Variants in HSF1 observed in about 807,000 individuals in gnomAD.
HSF1 encodes the protein heat shock transcription factor 1.
In HSF1, 32 loss-of-function variants were observed where a neutral mutation model predicts 51.7. That is an observed-to-expected ratio of 0.62 (90% confidence interval 0.47 to 0.83). The LOEUF is 0.83. Ranked by LOEUF, HSF1 falls within the 40% of genes least tolerant of loss-of-function variation. The pLI, the probability that HSF1 is intolerant of heterozygous loss-of-function variation, is 0.00. For missense variants in HSF1, 727 were observed against 717.0 expected (o/e 1.01, Z -0.16); for synonymous variants, 396 against 309.7 (o/e 1.28, Z -2.92).
chr8:144,305,825 C>T (rs1233248721), intron 1 of HSF1, among the ~76,000 whole-genome samples: 11 of 148,660 alleles, frequency 7.4e-5, no homozygotes, highest in African/African-American at 2.2e-4. Context: ...CTCTGCCTCC[C>T]GGGTTCAAAC....
chr8:144,298,021 C>T (rs782428717), intron 1 of HSF1, among the ~76,000 whole-genome samples: 7 of 152,228 alleles, frequency 4.6e-5, no homozygotes, highest in Non-Finnish European at 7.3e-5. Flanking sequence ...CTACACTTCT[C>T]AGCGTGTGGC....
At chr8:144,310,115 G>A in intron 4 of HSF1, 2 of 576,116 alleles carry the variant, frequency 3.5e-6, no homozygotes, top group Non-Finnish European at 6.1e-6. Flanking sequence ...GGGGTTGGGA[G>A]GGTCCCCTGC....
chr8:144,311,499 C>T lies in HSF1; in HGVS notation c.627-6C>T, dbSNP rs782398582. On this transcript the variant is annotated splice_polypyrimidine_tract_variant and splice_region_variant and intron_variant, in intron 6 of 12. Coordinates refer to ENST00000528838, the MANE Select transcript of HSF1 (RefSeq NM_005526.4). Reference sequence around the variant, plus strand: ...GGTGGTGGCTGACCTGCACCCTTCCCCACAGCCCCCTGATGCTGAACGACA... The same window carrying T: ...GGTGGTGGCTGACCTGCACCCTTCCTCACAGCCCCCTGATGCTGAACGACA... The T allele has an allele frequency of 5.0e-6, 8 of 1,613,610 alleles. 2 individuals are homozygous for T. The South Asian group carries it at 6.6e-5, about 13-fold the overall frequency.
rs1467135363 is a variant in HSF1 at position 144,309,536 on chromosome 8, G to C, written c.308G>C (p.Cys103Ser). 4.3e-6 allele frequency: 7 copies of C among 1,613,960 alleles called. No homozygotes were observed. The Admixed American group carries it at 1.2e-4, about 27-fold the overall frequency. Residue 103 changes from cysteine to serine, a missense_variant, in exon 3 of 13, where the codon TGC becomes TCC. Transcript: ENST00000528838. ...GACGACACGGAGTTCCAGCACCCAT[G>C]CTTCCTGCGTGGCCAGGAGCAGCTC... The part of the protein sequence containing the change: ...ERDDTEFQHP[C>S]FLRGQEQLLE...
chr8:144,312,659 G>T, intron 9 of HSF1: 1 of 1,535,386 alleles, frequency 6.5e-7, no homozygotes, highest in Non-Finnish European at 8.7e-7. Flanking sequence ...GTCTAGGGTC[G>T]CCCGCCTCTT....
chr8:144,313,631 GC>G lies in HSF1; in HGVS notation c.1248+17del, dbSNP rs1554845570. The G allele has an allele frequency of 1.7e-6, 1 of 601,858 alleles. No homozygotes were observed. The allele number at this position is 601,858 out of a possible 1,614,324, so 37.3% of individuals were successfully genotyped here. Reference sequence around the variant, plus strand: ...CCCTGCTGGACGTGAGTGGAGCCCCGCCGCCCCGCCTCCCCGCCCCGCCTCC... The same window carrying G: ...CCCTGCTGGACGTGAGTGGAGCCCCGCGCCCCGCCTCCCCGCCCCGCCTCC... On this transcript the variant is annotated intron_variant, in intron 10 of 12. Transcript: ENST00000528838.
chr8:144,304,026 G>A (rs1230429213), intron 1 of HSF1, among the ~76,000 whole-genome samples: 1 of 152,218 alleles, frequency 6.6e-6, no homozygotes, highest in Admixed American at 6.5e-5. Context: ...GGGAGCCCCT[G>A]GCTTCTTGGC....
At chr8:144,312,772 C>A in intron 9 of HSF1, 2 of 1,421,490 alleles carry the variant, frequency 1.4e-6, no homozygotes, top group Non-Finnish European at 9.6e-7. Context: ...CCCTCCCACA[C>A]AGCCGTGGAC....
At position 144,311,668 on chromosome 8, in the gene HSF1, GCA is replaced by G. The variant is rs781935853; in HGVS notation, c.724-30_724-29del. The G allele has an allele frequency of 1.9e-6, 3 of 1,610,630 alleles. No homozygotes were observed. The South Asian group carries it at 3.3e-5, about 18-fold the overall frequency. The stretch of plus-strand genomic sequence containing the variant: ...GCAGTGGGGTGGGTTGCCCCTGCCG[GCA>G]CTGCATGGACCTCCTGCCTTTGATT... On this transcript the variant is annotated intron_variant, in intron 7 of 12. Transcript: ENST00000528838.
rs1449737222 is a variant in HSF1, at chr8:144,291,888, GC to G, written c.117+15del. 6.9e-7 allele frequency: 1 copy of G among 1,457,514 alleles called. No homozygotes were observed. The highest frequency in any genetic ancestry group is 9.1e-7 in the Non-Finnish European group (1 of 1,096,778). The allele number at this position is 1,457,514 out of a possible 1,614,324, so 90.3% of individuals were successfully genotyped here. On this transcript the variant is annotated intron_variant, in intron 1 of 12. Transcript: ENST00000528838. The surrounding 1 kb of genome is among the most constrained non-coding windows in gnomAD (Gnocchi z 4.1). Reference sequence around the variant, plus strand: ...TGCTGGAGCCCGGTGAGGGCAGCGCGCGGGCGCGGGGCCCGTGGGGACCGGG... The same window carrying G: ...TGCTGGAGCCCGGTGAGGGCAGCGCGGGGCGCGGGGCCCGTGGGGACCGGG...
At chr8:144,295,249 A>G (rs1288592730) in intron 1 of HSF1, among the ~76,000 whole-genome samples, 7 of 152,236 alleles carry the variant, frequency 4.6e-5, no homozygotes, top group East Asian at 1.9e-4. Context: ...GAACCAAACA[A>G]AAGCAGAAAG....
In HSF1 at chr8:144,312,069, A is replaced by C; in HGVS notation, c.967A>C (p.Thr323Pro). ...TCCCGGGCGCCCATCTTCCGTGGAC[A>C]CCCTCTTGTCCCCGACCGCCCTCAT... ...ASPGRPSSVD[T>P]LLSPTALIDS... Residue 323 changes from threonine to proline, a missense_variant, in exon 9 of 13, where the codon ACC becomes CCC. Transcript: ENST00000528838. 6 of 1,611,594 alleles carry C rather than the reference A, an allele frequency of 3.7e-6. No individual in the cohort carries two copies. Among genetic ancestry groups the C allele is most frequent in the East Asian group, 2.2e-5 (1 of 44,820 alleles).
At position 144,314,701 on chromosome 8, in the gene HSF1, TA is replaced by T. The variant is rs1817116060; in HGVS notation, c.*374del. On this transcript the variant is annotated 3_prime_UTR_variant, in exon 13 of 13. Coordinates refer to ENST00000528838, the MANE Select transcript of HSF1 (RefSeq NM_005526.4). ...GACGGACAAGACAGGCAGAGATCTATAAACAGACAGGCTCTATGCTATGGCC... is the reference window on the plus strand; with the variant it reads ...GACGGACAAGACAGGCAGAGATCTATAACAGACAGGCTCTATGCTATGGCC... 1 of 263,444 alleles carries T rather than the reference TA, an allele frequency of 3.8e-6. No individual in the cohort carries two copies. The highest frequency in any genetic ancestry group is 2.2e-5 in the African/African-American group (1 of 46,394). 16.3% of individuals were successfully genotyped at this position (263,444 alleles called of 1,614,324 possible).
intron 1 of HSF1, among the ~76,000 whole-genome samples, chr8:144,296,806 CAAAA>C (rs72033767): frequency 1.5e-5 from 2 of 135,126 alleles, no homozygotes; most frequent in African/African-American, 2.7e-5. Flanking sequence ...GACTCCATCT[CAAAA>C]AAAAAAAAAA....
At chr8:144,308,821 C>T in intron 1 of HSF1, 85 bp from the exon 2 acceptor site, 2 of 1,111,530 alleles carry the variant, frequency 1.8e-6, no homozygotes, top group South Asian at 2.5e-5. Flanking sequence ...GCCTGCGTTT[C>T]AGAAGGGGCG....
intron 9 of HSF1, chr8:144,312,663 G>C: frequency 6.5e-7 from 1 of 1,535,486 alleles, no homozygotes. Context: ...AGGGTCGCCC[G>C]CCTCTTCCCC....
chr8:144,300,212 CTTTTTTTTTTT>C (rs1176636210), intron 1 of HSF1, among the ~76,000 whole-genome samples: 1 of 87,744 alleles, frequency 1.1e-5, no homozygotes, highest in Non-Finnish European at 2.1e-5. Context: ...GTTGTGTACT[CTTTTTTTTTTT>C]TTTTTTTTTT....
chr8:144,311,876 A>G (rs1412593728), intron 8 of HSF1, 40 bp downstream of exon 8: 1 of 1,585,814 alleles, frequency 6.3e-7, no homozygotes, highest in Non-Finnish European at 8.6e-7. Flanking sequence ...TCCCCCAATG[A>G]GGCGAGCCCC....
chr8:144,300,350 G>C (rs913295455), intron 1 of HSF1, among the ~76,000 whole-genome samples: 1 of 151,318 alleles, frequency 6.6e-6, no homozygotes, highest in African/African-American at 2.4e-5. Context: ...CCACGAAGCT[G>C]GGACTACAGG....
Sources: gnomAD v4.1 joint callset for allele counts (sites outside exome capture counted in the v4.1 genomes callset) on GRCh38, gnomAD v4.1.1 for gene constraint, Gnocchi (gnomAD v3.1) non-coding constraint, MANE v1.5 for transcripts, NCBI Gene and HGNC (gene_info 2026-07-23, HGNC 2026-07-21) for gene names.